PRKN: variants seen among roughly 807,000 people sequenced by gnomAD.
The protein encoded by PRKN is E3 ubiquitin-protein ligase parkin.
PRKN carries 56 observed loss-of-function variants against 59.5 expected under a neutral mutation model. The observed-to-expected ratio is 0.94, with a 90% confidence interval of 0.76 to 1.18. The LOEUF (loss-of-function observed/expected upper bound fraction) is 1.18. Ranked by LOEUF, PRKN falls within the 50% of genes most tolerant of loss-of-function variation. The probability of loss-of-function intolerance (pLI) is 0.00; values close to 1 mark genes in which losing one functional copy is unlikely to be tolerated. For missense variants in PRKN, 657 were observed against 596.4 expected (o/e 1.10, Z -1.06); for synonymous variants, 250 against 222.1 (o/e 1.13, Z -1.12).
chr6:161,532,378 G>A (rs7751273), intron 9 of PRKN, among the ~76,000 whole-genome samples: 13,535 of 151,832 alleles, frequency 0.089, 920 homozygotes, highest in African/African-American at 0.19. Context: ...TGTGAAGCAG[G>A]AGTGTGTATA....
intron 2 of PRKN, among the ~76,000 whole-genome samples, chr6:162,301,395 C>A (rs1324303871): frequency 6.6e-6 from 1 of 152,100 alleles, no homozygotes; most frequent in Non-Finnish European, 1.5e-5. Context: ...TATGTCTGTT[C>A]TTAGGAACTG....
Position 161,548,847 on chromosome 6 carries a change from T to C in PRKN, c.1083+7A>G, listed in dbSNP as rs1343977927. ...CACACCGCTCCAGGGGTGTGGGCAGTACTCACCCCACAGCCCAGGCCATTG... is the reference window on the plus strand; with the variant it reads ...CACACCGCTCCAGGGGTGTGGGCAGCACTCACCCCACAGCCCAGGCCATTG... On this transcript the variant is annotated splice_region_variant and intron_variant, in intron 9 of 11. Transcript: ENST00000366898. The surrounding 1 kb of genome is among the most constrained non-coding windows in gnomAD (Gnocchi z 4.2). 4 of 1,613,014 alleles carry C rather than the reference T, an allele frequency of 2.5e-6. No homozygotes were observed. Among genetic ancestry groups the C allele is most frequent in the Non-Finnish European group, 3.4e-6 (4 of 1,179,114 alleles).
intron 7 of PRKN, among the ~76,000 whole-genome samples, chr6:161,580,683 T>C (rs1781304612): frequency 6.6e-6 from 1 of 151,856 alleles, no homozygotes. Flanking sequence ...TTCACCGTGT[T>C]AGGACAGGAT....
chr6:161,700,593 G>A (rs1786212696), intron 7 of PRKN, among the ~76,000 whole-genome samples: 1 of 152,122 alleles, frequency 6.6e-6, no homozygotes, highest in African/African-American at 2.4e-5. Context: ...TTAAGGATAT[G>A]TCCAACTAAA....
intron 7 of PRKN, among the ~76,000 whole-genome samples, chr6:161,698,775 T>C (rs1206679914): frequency 6.6e-6 from 1 of 152,160 alleles, no homozygotes; most frequent in African/African-American, 2.4e-5. Context: ...AAATAAACTT[T>C]GATTCCCACT....
rs566322108 is a variant in PRKN at position 161,529,874 on chromosome 6, A to T, written c.1083+18980T>A. On this transcript the variant is annotated intron_variant, in intron 9 of 11. Transcript: ENST00000366898. This position sits in a 1 kb window ranked among gnomAD's most constrained non-coding sequence, Gnocchi z 4.4. ...TGATGATGAAGAAAAATACCACTTGACACAAATTAATGTCAATCCTTGAGG... is the reference window on the plus strand; with the variant it reads ...TGATGATGAAGAAAAATACCACTTGTCACAAATTAATGTCAATCCTTGAGG... 6.6e-6 allele frequency among the ~76,000 whole-genome samples: 1 copy of T among 152,334 alleles called. No individual in the cohort carries two copies. Among genetic ancestry groups the T allele is most frequent in the Admixed American group, 6.5e-5 (1 of 15,308 alleles).
chr6:162,718,351 C>A (rs1481101560), intron 1 of PRKN, among the ~76,000 whole-genome samples: 2 of 152,118 alleles, frequency 1.3e-5, no homozygotes, highest in East Asian at 3.9e-4. Context: ...AATTTACACA[C>A]TAAGAATTGT....
intron 8 of PRKN, among the ~76,000 whole-genome samples, chr6:161,565,591 TGAA>T (rs1463660367): frequency 1.3e-5 from 2 of 152,184 alleles, no homozygotes; most frequent in Non-Finnish European, 2.9e-5. Context: ...TGCTGCCTTT[TGAA>T]GAAGGTACCT....
intron 9 of PRKN, among the ~76,000 whole-genome samples, chr6:161,494,933 T>C (rs544281845): frequency 6.6e-6 from 1 of 152,298 alleles, no homozygotes; most frequent in East Asian, 1.9e-4. Flanking sequence ...TGTTGACATC[T>C]TTCTTGCCCT....
At chr6:162,346,631 C>T (rs935080575) in intron 2 of PRKN, among the ~76,000 whole-genome samples, 1 of 151,668 alleles carries the variant, frequency 6.6e-6, no homozygotes, top group Non-Finnish European at 1.5e-5. Flanking sequence ...CATACCCCCA[C>T]CCCCAAAAAC....
At chr6:161,957,698 C>A (rs1170921627) in intron 6 of PRKN, among the ~76,000 whole-genome samples, 1 of 152,176 alleles carries the variant, frequency 6.6e-6, no homozygotes, top group Non-Finnish European at 1.5e-5. Context: ...GCTGGGATTA[C>A]AGGCGTGAGT....
At chr6:162,152,687 C>T (rs554442282) in intron 4 of PRKN, among the ~76,000 whole-genome samples, 108 of 152,210 alleles carry the variant, frequency 7.1e-4, no homozygotes, top group African/African-American at 2.6e-3. Context: ...ACACACAAGA[C>T]CAATTTCCCA....
At chr6:162,129,794 CTTAAA>C (rs1301042281) in intron 4 of PRKN, among the ~76,000 whole-genome samples, 1 of 152,036 alleles carries the variant, frequency 6.6e-6, no homozygotes, top group African/African-American at 2.4e-5. Flanking sequence ...TGGCCTACTT[CTTAAA>C]TTATAGAGTA....
chr6:162,283,727 G>T (rs1781035087), intron 2 of PRKN, among the ~76,000 whole-genome samples: 1 of 152,088 alleles, frequency 6.6e-6, no homozygotes, highest in African/African-American at 2.4e-5. Context: ...CGCCATATTG[G>T]CCAGGCTGGT....
At chr6:161,558,006 A>G (rs1780303378) in intron 8 of PRKN, among the ~76,000 whole-genome samples, 1 of 152,084 alleles carries the variant, frequency 6.6e-6, no homozygotes, top group South Asian at 2.1e-4. Flanking sequence ...TCCCTCCTAG[A>G]GCAGAGGGGT....
intron 7 of PRKN, among the ~76,000 whole-genome samples, chr6:161,618,831 C>G (rs1782787016): frequency 6.6e-6 from 1 of 152,168 alleles, no homozygotes; most frequent in African/African-American, 2.4e-5. Context: ...CTTACTTTCA[C>G]TAAGTGTAAT....
At chr6:162,101,727 A>C (rs1314899092) in intron 4 of PRKN, among the ~76,000 whole-genome samples, 4 of 152,018 alleles carry the variant, frequency 2.6e-5, no homozygotes, top group Non-Finnish European at 4.4e-5. Context: ...AGATCTAGAG[A>C]TACTATAACT....
chr6:161,625,387 G>C lies in PRKN; in HGVS notation c.872-55971C>G, dbSNP rs1783047412. Among the ~76,000 whole-genome samples the C allele has an allele frequency of 2.6e-5, 4 of 151,300 alleles. 1 individual carries two copies. The South Asian group carries it at 8.4e-4, about 32-fold the overall frequency. Reference sequence around the variant, plus strand: ...ATGAGAACATATGGACAGAGGAAGGGGAACATCACACATCGGGGCTGGTTG... The same window carrying C: ...ATGAGAACATATGGACAGAGGAAGGCGAACATCACACATCGGGGCTGGTTG... On this transcript the variant is annotated intron_variant, in intron 7 of 11. Transcript: ENST00000366898.
At chr6:161,569,461 G>T in intron 7 of PRKN, 45 bp from the exon 8 acceptor site, 2 of 1,506,778 alleles carry the variant, frequency 1.3e-6, no homozygotes, top group South Asian at 1.1e-5. Flanking sequence ...CTTTCACTCT[G>T]TGTGGTTATA....
Sources: allele counts gnomAD v4.1 joint callset (sites outside exome capture counted in the v4.1 genomes callset), GRCh38; gene constraint gnomAD v4.1.1; non-coding constraint Gnocchi (gnomAD v3.1); transcripts MANE v1.5; gene names NCBI Gene and HGNC (gene_info 2026-07-23, HGNC 2026-07-21).